Variants in CCDC85A observed in about 807,000 individuals in gnomAD.
CCDC85A encodes coiled-coil domain-containing protein 85A.
A neutral mutation model predicts 50.2 loss-of-function variants in CCDC85A; 38 were observed. The ratio of observed to expected loss-of-function variants is 0.76; its 90% confidence interval spans 0.58 to 0.99. The LOEUF (loss-of-function observed/expected upper bound fraction) is 0.99. Ranked by LOEUF, CCDC85A falls within the 50% of genes least tolerant of loss-of-function variation. The pLI, the probability that CCDC85A is intolerant of heterozygous loss-of-function variation, is 0.00. For synonymous variants in CCDC85A, 366 were observed against 301.4 expected (o/e 1.21, Z -2.22); for missense variants, 820 against 742.0 (o/e 1.11, Z -1.22).
At chr2:56,195,130 G>A (rs1676474815) in intron 2 of CCDC85A, among the ~76,000 whole-genome samples, 1 of 152,160 alleles carries the variant, frequency 6.6e-6, no homozygotes, top group Non-Finnish European at 1.5e-5. Context: ...AAATATTAGG[G>A]ACAAGTGGAT....
intron 2 of CCDC85A, among the ~76,000 whole-genome samples, chr2:56,265,326 C>T (rs1005802256): frequency 1.3e-5 from 2 of 152,152 alleles, no homozygotes; most frequent in Admixed American, 1.3e-4. Context: ...CTTAACACAG[C>T]TACCTGTTAA....
intron 2 of CCDC85A, among the ~76,000 whole-genome samples, chr2:56,240,429 G>T (rs1194834479): frequency 6.6e-6 from 1 of 152,154 alleles, no homozygotes; most frequent in African/African-American, 2.4e-5. Flanking sequence ...ACTCTGTGGA[G>T]TGTACTTTTG....
At chr2:56,341,951 AGAG>A (rs1216100199) in intron 2 of CCDC85A, among the ~76,000 whole-genome samples, 1 of 151,706 alleles carries the variant, frequency 6.6e-6, no homozygotes, top group Non-Finnish European at 1.5e-5. Context: ...GGAGAAATAA[AGAG>A]AACTGGATGT....
chr2:56,363,987 T>C lies in CCDC85A; in HGVS notation c.1318-8357T>C, dbSNP rs77894238. ...CTTTTACTATTTAATACCAGCCTGATTGAAAAGCAATTTAGAAGTATCAGT... is the reference window on the plus strand; with the variant it reads ...CTTTTACTATTTAATACCAGCCTGACTGAAAAGCAATTTAGAAGTATCAGT... On this transcript the variant is annotated intron_variant, in intron 3 of 5. Coordinates refer to ENST00000407595, the MANE Select transcript of CCDC85A (RefSeq NM_001080433.2). Among the ~76,000 whole-genome samples the C allele has an allele frequency of 3.6e-3, 547 of 152,350 alleles. 9 individuals are homozygous for C. The East Asian group carries it at 0.049, about 14-fold the overall frequency.
chr2:56,360,521 C>A (rs1675471240), intron 3 of CCDC85A, among the ~76,000 whole-genome samples: 1 of 152,122 alleles, frequency 6.6e-6, no homozygotes, highest in Admixed American at 6.5e-5. Context: ...AATGCTATTG[C>A]AAAAATTCTA....
intron 3 of CCDC85A, among the ~76,000 whole-genome samples, chr2:56,357,262 G>C (rs558188945): frequency 1.3e-5 from 2 of 152,212 alleles, no homozygotes; most frequent in Non-Finnish European, 2.9e-5. Flanking sequence ...GGTGGGGACA[G>C]CTGCCCCTCA....
chr2:56,265,727 C>G (rs1670410997), intron 2 of CCDC85A, among the ~76,000 whole-genome samples: 1 of 152,138 alleles, frequency 6.6e-6, no homozygotes, highest in African/African-American at 2.4e-5. Context: ...TTATGGAAAA[C>G]AGTGTGGAGG....
intron 5 of CCDC85A, among the ~76,000 whole-genome samples, chr2:56,382,077 A>G (rs927694057): frequency 9.9e-5 from 15 of 151,996 alleles, no homozygotes; most frequent in African/African-American, 3.4e-4. Flanking sequence ...AAGCAATTTT[A>G]TATATTTGGA....
rs1193848745 is a variant in CCDC85A at position 56,308,200 on chromosome 2, A to G, written c.1241-34679A>G. Among the ~76,000 whole-genome samples, 3 of 152,282 alleles carry G rather than the reference A, an allele frequency of 2.0e-5. No homozygotes were observed. The East Asian group carries it at 5.8e-4, about 29-fold the overall frequency. ...ATTTTCAGACATTTTGTCAAACAAGACATTTCATATTTATCAAAATATTTC... is the reference window on the plus strand; with the variant it reads ...ATTTTCAGACATTTTGTCAAACAAGGCATTTCATATTTATCAAAATATTTC... On this transcript the variant is annotated intron_variant, in intron 2 of 5. Transcript: ENST00000407595.
chr2:56,371,232 T>C (rs929576502), intron 3 of CCDC85A, among the ~76,000 whole-genome samples: 1 of 152,120 alleles, frequency 6.6e-6, no homozygotes, highest in African/African-American at 2.4e-5. Context: ...ATTTAATAGG[T>C]TCAGAAAAGA....
intron 2 of CCDC85A, among the ~76,000 whole-genome samples, chr2:56,223,352 T>C (rs1271876879): frequency 6.6e-6 from 1 of 152,138 alleles, no homozygotes. Context: ...CAAGAGCAGA[T>C]ATAGATAGTA....
At chr2:56,380,180 T>C (rs1676517606) in intron 5 of CCDC85A, among the ~76,000 whole-genome samples, 1 of 152,266 alleles carries the variant, frequency 6.6e-6, no homozygotes, top group East Asian at 1.9e-4. Context: ...AAGAAGTTTG[T>C]TAAAGATCAG....
At chr2:56,214,131 G>T (rs1573034898) in intron 2 of CCDC85A, among the ~76,000 whole-genome samples, 1 of 84,146 alleles carries the variant, frequency 1.2e-5, no homozygotes, top group African/African-American at 5.8e-5. Flanking sequence ...TATATAATAT[G>T]TTAAGAGTAT....
intron 2 of CCDC85A, among the ~76,000 whole-genome samples, chr2:56,316,166 A>G (rs1236692961): frequency 2.6e-5 from 4 of 152,122 alleles, no homozygotes; most frequent in Non-Finnish European, 5.9e-5. Context: ...TACATTTCAA[A>G]TACAGTGTTG....
At chr2:56,304,934 ACAAAAAAAC>A (rs1672371028) in intron 2 of CCDC85A, among the ~76,000 whole-genome samples, 1 of 138,592 alleles carries the variant, frequency 7.2e-6, no homozygotes, top group Non-Finnish European at 1.5e-5. Context: ...AAACAAACAA[ACAAAAAAAC>A]AAAAAAAAAA....
chr2:56,275,685 G>T (rs1431267145), intron 2 of CCDC85A, among the ~76,000 whole-genome samples: 1 of 152,170 alleles, frequency 6.6e-6, no homozygotes, highest in East Asian at 1.9e-4. Context: ...GCTTTAGAGT[G>T]CTGACTGTCT....
At chr2:56,332,720 C>T (rs1253044427) in intron 2 of CCDC85A, among the ~76,000 whole-genome samples, 1 of 143,772 alleles carries the variant, frequency 7.0e-6, no homozygotes, top group Non-Finnish European at 1.5e-5. Context: ...CCTGCTCTAC[C>T]TTTTTGAGCC....
At chr2:56,285,502 A>T (rs914882157) in intron 2 of CCDC85A, among the ~76,000 whole-genome samples, 2 of 145,538 alleles carry the variant, frequency 1.4e-5, no homozygotes, top group Non-Finnish European at 3.0e-5. Context: ...TAATAATATT[A>T]TTATAGTATA....
Position 56,384,481 on chromosome 2 carries a change from A to G in CCDC85A, c.*126A>G, listed in dbSNP as rs953417791. 6.8e-6 allele frequency: 5 copies of G among 731,410 alleles called. No homozygotes were observed. The highest frequency in any genetic ancestry group is 1.2e-5 in the Non-Finnish European group (5 of 433,476). The allele number at this position is 731,410 out of a possible 1,614,324, so 45.3% of individuals were successfully genotyped here. A position where few individuals can be genotyped will look rare whatever the true frequency, so the allele number is the denominator to read the frequency against. ...ATAACATGGAGTGATTGTACATTGC[A>G]CATATCTCCCCTCTAAAACCTGTAG... On this transcript the variant is annotated 3_prime_UTR_variant, in exon 6 of 6. Transcript: ENST00000407595.
Sources: gnomAD v4.1 joint callset for allele counts (sites outside exome capture counted in the v4.1 genomes callset) on GRCh38, gnomAD v4.1.1 for gene constraint, MANE v1.5 for transcripts, NCBI Gene and HGNC (gene_info 2026-07-23, HGNC 2026-07-21) for gene names.